The following FBLN7 variants were observed in gnomAD, a reference collection of about 807,000 sequenced individuals.
FBLN7 encodes the protein fibulin-7.
A neutral mutation model predicts 44.0 loss-of-function variants in FBLN7; 31 were observed. That is an observed-to-expected ratio of 0.70 (90% CI 0.53 to 0.95). The LOEUF (loss-of-function observed/expected upper bound fraction) is 0.95. Among genes scored for constraint, FBLN7 ranks in the 40% least tolerant of loss-of-function variants. The pLI, the probability that FBLN7 is intolerant of heterozygous loss-of-function variation, is 0.00. For missense variants in FBLN7, 573 were observed against 618.5 expected (o/e 0.93, Z 0.78); for synonymous variants, 262 against 253.4 (o/e 1.03, Z -0.32).
At chr2:112,233,102 G>T in the FBLN7 span, among the ~76,000 whole-genome samples, 1 of 152,080 alleles carries the variant, frequency 6.6e-6, no homozygotes, top group Non-Finnish European at 1.5e-5. Context: ...TCTTGCTTAT[G>T]AAAAAATCCA....
chr2:112,163,409 C>T (rs1018406002), intron 2 of FBLN7, among the ~76,000 whole-genome samples: 5 of 152,240 alleles, frequency 3.3e-5, no homozygotes, highest in African/African-American at 9.6e-5. Flanking sequence ...TGGCAAATGA[C>T]ACTTGGAATT....
At position 112,187,572 on chromosome 2, in the gene FBLN7, G is replaced by C; in HGVS notation, c.*66G>C. On this transcript the variant is annotated 3_prime_UTR_variant, in exon 8 of 8. Coordinates refer to ENST00000331203, the MANE Select transcript of FBLN7 (RefSeq NM_153214.3). The surrounding 1 kb of genome is among the most constrained non-coding windows in gnomAD (Gnocchi z 5.1). ...TTCTCTTCCCCGAAGGCTCAGCTTC[G>C]GGCACCGACTGCGTGGAGCCTCCCG... is the stretch of plus-strand genomic sequence containing the variant. The C allele has an allele frequency of 1.3e-6, 2 of 1,569,094 alleles. No individual in the cohort carries two copies. Among genetic ancestry groups the C allele is most frequent in the Non-Finnish European group, 1.7e-6 (2 of 1,154,966 alleles).
At chr2:112,240,167 A>T in the FBLN7 span, among the ~76,000 whole-genome samples, 1 of 152,204 alleles carries the variant, frequency 6.6e-6, no homozygotes, top group Non-Finnish European at 1.5e-5. Context: ...TAACTTCTGG[A>T]CTGATAGATC....
At chr2:112,238,542 A>G in the FBLN7 span, 1 of 1,582,410 alleles carries the variant, frequency 6.3e-7, no homozygotes, top group South Asian at 1.1e-5. Context: ...AGTAAAAATT[A>G]AAACTTCAAT....
At chr2:112,142,488 G>A (rs1457256412) in intron 1 of FBLN7, among the ~76,000 whole-genome samples, 2 of 152,174 alleles carry the variant, frequency 1.3e-5, no homozygotes, top group Non-Finnish European at 2.9e-5. Flanking sequence ...AAGAGCCATT[G>A]GTTGGTGGAG....
At chr2:112,160,827 C>T (rs577490262) in intron 2 of FBLN7, among the ~76,000 whole-genome samples, 2 of 141,468 alleles carry the variant, frequency 1.4e-5, no homozygotes, top group Admixed American at 7.0e-5. Flanking sequence ...CACACAAGCA[C>T]GCATACACGC....
chr2:112,166,276 C>T (rs115864656), intron 3 of FBLN7, among the ~76,000 whole-genome samples: 4,370 of 152,278 alleles, frequency 0.029, 94 homozygotes, highest in Non-Finnish European at 0.046. Flanking sequence ...GTCTCCAACT[C>T]CTGGCTTCAA....
chr2:112,187,290 C>T lies in FBLN7; in HGVS notation c.1104C>T (p.Pro368=), dbSNP rs746659537. The T allele has an allele frequency of 6.2e-7, 1 of 1,614,170 alleles. No individual in the cohort carries two copies. Among genetic ancestry groups the T allele is most frequent in the Non-Finnish European group, 8.5e-7 (1 of 1,180,040 alleles). ...ATASAPGRAG[P]NSLRFGIVGG... is the part of the protein sequence containing the mutation. ...CCTCTGCCCCCGGCCGAGCTGGGCC[C>T]AACAGCCTGCGGTTTGGGATCGTGG... is the stretch of plus-strand genomic sequence containing the variant. The change falls in exon 8 of 8, where the codon CCC becomes CCT. Residue 368 remains proline, a synonymous_variant. Coordinates refer to ENST00000331203, the MANE Select transcript of FBLN7 (RefSeq NM_153214.3). The surrounding 1 kb of genome is among the most constrained non-coding windows in gnomAD (Gnocchi z 5.1).
Position 112,138,540 on chromosome 2 carries a change from C to G in FBLN7, c.-116C>G. ...CGCCTCCCCCCCTGCCCCAGCCGCC[C>G]CCCGGCCGCGCGGCGCCCCGCACCC... On this transcript the variant is annotated 5_prime_UTR_variant, in exon 1 of 8. Transcript: ENST00000331203. The G allele has an allele frequency of 1.4e-6, 2 of 1,481,082 alleles. No individual in the cohort carries two copies. Among genetic ancestry groups the G allele is most frequent in the South Asian group, 1.2e-5 (1 of 82,128 alleles). The allele number at this position is 1,481,082 out of a possible 1,614,324, so 91.7% of individuals were successfully genotyped here. A position where few individuals can be genotyped will look rare whatever the true frequency, so the allele number is the denominator to read the frequency against.
chr2:112,195,823 G>A, the FBLN7 span, among the ~76,000 whole-genome samples: 40 of 152,240 alleles, frequency 2.6e-4, no homozygotes, highest in Non-Finnish European at 4.8e-4. Context: ...AGCCTGTCCT[G>A]TGGGCAAGGT....
chr2:112,154,097 G>C (rs1323204354), intron 1 of FBLN7, among the ~76,000 whole-genome samples: 3 of 152,234 alleles, frequency 2.0e-5, no homozygotes, highest in Non-Finnish European at 2.9e-5. Context: ...TGTCAAGTTA[G>C]ATGAAGTACT....
At chr2:112,226,588 T>TAAAAAAAA in the FBLN7 span, among the ~76,000 whole-genome samples, 6 of 10,816 alleles carry the variant, frequency 5.5e-4, 1 homozygote, top group African/African-American at 4.8e-3. Flanking sequence ...AGACTCCATC[T>TAAAAAAAA]CAAAAAAAAA....
Position 112,187,056 on chromosome 2 carries a change from A to C in FBLN7, c.948-78A>C. 14 of 1,545,490 alleles carry C rather than the reference A, an allele frequency of 9.1e-6. No individual in the cohort carries two copies. Among genetic ancestry groups the C allele is most frequent in the Non-Finnish European group, 1.1e-5 (13 of 1,141,638 alleles). ...ATCTAGGTGGCCTCTGCAAGAGGGC[A>C]GGTGGGCAGCCGGGTCAGAGCAGCT... On this transcript the variant is annotated intron_variant, in intron 7 of 7. Transcript: ENST00000331203. The surrounding 1 kb of genome is among the most constrained non-coding windows in gnomAD (Gnocchi z 5.1).
chr2:112,241,239 C>T, the FBLN7 span, among the ~76,000 whole-genome samples: 1 of 152,090 alleles, frequency 6.6e-6, no homozygotes, highest in Non-Finnish European at 1.5e-5. Flanking sequence ...CACCCAGGTA[C>T]TTTCCCTAGG....
intron 3 of FBLN7, among the ~76,000 whole-genome samples, chr2:112,173,549 GA>G (rs1682582196): frequency 3.9e-5 from 6 of 152,122 alleles, no homozygotes; most frequent in African/African-American, 1.4e-4. Context: ...AGAAATAAAA[GA>G]AAAAAGTCAG....
In FBLN7 at chr2:112,138,651, G is replaced by A. The variant is rs1203022756; in HGVS notation, c.-5G>A. On this transcript the variant is annotated 5_prime_UTR_variant, in exon 1 of 8. Coordinates refer to ENST00000331203, the MANE Select transcript of FBLN7 (RefSeq NM_153214.3). ...CTCCCAGGCAGCGGGATTCCGACTG[G>A]CAAGATGGTGCCCAGCTCTCCGCGC... 6.2e-7 allele frequency: 1 copy of A among 1,613,702 alleles called. No homozygotes were observed. The highest frequency in any genetic ancestry group is 8.5e-7 in the Non-Finnish European group (1 of 1,179,894).
chr2:112,138,587 G>T lies in FBLN7; in HGVS notation c.-69G>T. 3 of 1,574,182 alleles carry T rather than the reference G, an allele frequency of 1.9e-6. No homozygotes were observed. Among genetic ancestry groups the T allele is most frequent in the African/African-American group, 1.4e-5 (1 of 73,464 alleles). ...ACCCTGCAGGGACGGCTGCCGCATC[G>T]CTGGGACAAACTCGGCAGCGGAGGC... On this transcript the variant is annotated 5_prime_UTR_variant, in exon 1 of 8. Coordinates refer to ENST00000331203, the MANE Select transcript of FBLN7 (RefSeq NM_153214.3).
At chr2:112,160,680 ACGCACG>A (rs1573789773) in intron 2 of FBLN7, among the ~76,000 whole-genome samples, 3 of 140,700 alleles carry the variant, frequency 2.1e-5, no homozygotes, top group Admixed American at 2.1e-4. Flanking sequence ...GCACACGCAG[ACGCACG>A]CACACGCACA....
At chr2:112,233,061 A>T in the FBLN7 span, among the ~76,000 whole-genome samples, 3 of 152,224 alleles carry the variant, frequency 2.0e-5, no homozygotes, top group African/African-American at 7.2e-5. Context: ...AAGAATCATC[A>T]TTTGAGAGAT....
Sources: gnomAD v4.1 joint callset for allele counts (sites outside exome capture counted in the v4.1 genomes callset) on GRCh38, gnomAD v4.1.1 for gene constraint, Gnocchi (gnomAD v3.1) non-coding constraint, MANE v1.5 for transcripts, NCBI Gene and HGNC (gene_info 2026-07-23, HGNC 2026-07-21) for gene names.